The following ZNF423 variants were observed in gnomAD, a reference collection of about 807,000 sequenced individuals.
ZNF423 encodes the protein zinc finger protein 423.
A neutral mutation model predicts 95.8 loss-of-function variants in ZNF423; 12 were observed. That is an observed-to-expected ratio of 0.13 (90% CI 0.08 to 0.20). The LOEUF is 0.20. Ranked by LOEUF, ZNF423 falls within the 10% of genes least tolerant of loss-of-function variation. The pLI, the probability that ZNF423 is intolerant of heterozygous loss-of-function variation, is 1.00. For synonymous variants in ZNF423, 749 were observed against 711.9 expected, an observed-to-expected ratio of 1.05 and a Z score of -0.83; for missense variants, 1,316 against 1,737.1, an observed-to-expected ratio of 0.76 and a Z score of 4.31.
At chr16:49,698,925 C>A (rs997772679) in intron 3 of ZNF423, among the ~76,000 whole-genome samples, 26 of 152,246 alleles carry the variant, frequency 1.7e-4, no homozygotes, top group Admixed American at 1.6e-3. Context: ...ACCAGAGACC[C>A]GCGGAGCTCC....
At chr16:49,797,272 T>C (rs563429943) in intron 1 of ZNF423, among the ~76,000 whole-genome samples, 165 of 152,162 alleles carry the variant, frequency 1.1e-3, no homozygotes, top group Non-Finnish European at 1.6e-3. Context: ...TAGAGCGGTA[T>C]AGGCCAAGCA....
In ZNF423 at chr16:49,760,062, T is replaced by G. The variant is rs931781717; in HGVS notation, c.101-29091A>C. 2.8e-5 allele frequency among the ~76,000 whole-genome samples: 4 copies of G among 144,084 alleles called. No individual in the cohort carries two copies. The Admixed American group carries it at 3.0e-4, about 11-fold the overall frequency. The allele number at this position is 144,084 out of a possible 152,430, so 94.5% of individuals were successfully genotyped here. ...GTGGGTAGATGGATGGATTAATGACTGAATGGACAGATGAGTGGATGAATG... is the reference window on the plus strand; with the variant it reads ...GTGGGTAGATGGATGGATTAATGACGGAATGGACAGATGAGTGGATGAATG... On this transcript the variant is annotated intron_variant, in intron 2 of 7. Coordinates refer to ENST00000563137, the MANE Select transcript of ZNF423 (RefSeq NM_001379286.1).
Position 49,755,143 on chromosome 16 carries a change from G to T in ZNF423, c.101-24172C>A, listed in dbSNP as rs13337695. Among the ~76,000 whole-genome samples the T allele has an allele frequency of 6.0e-3, 913 of 152,308 alleles. 13 individuals carry two copies. The highest frequency in any genetic ancestry group is 0.021 in the African/African-American group (881 of 41,578). On this transcript the variant is annotated intron_variant, in intron 2 of 7. Transcript: ENST00000563137. ...AAGCCCTGTCCCCCCACAAGTGCAA[G>T]TCTCATTTTCAGCTCTCTGGAGCCA... is the stretch of plus-strand genomic sequence containing the variant.
chr16:49,739,677 GT>G (rs977653979), intron 2 of ZNF423, among the ~76,000 whole-genome samples: 2 of 136,624 alleles, frequency 1.5e-5, no homozygotes, highest in Non-Finnish European at 3.1e-5. Flanking sequence ...CAACACGTTT[GT>G]TTTTTTGTTT....
intron 1 of ZNF423, among the ~76,000 whole-genome samples, chr16:49,815,207 T>G (rs2034818052): frequency 6.6e-6 from 1 of 152,052 alleles, no homozygotes; most frequent in African/African-American, 2.4e-5. Context: ...CTCAGTAAAT[T>G]TGGCCATTCT....
At chr16:49,852,773 T>A (rs1196972506) in intron 1 of ZNF423, among the ~76,000 whole-genome samples, 2 of 151,154 alleles carry the variant, frequency 1.3e-5, no homozygotes, top group Non-Finnish European at 2.9e-5. Flanking sequence ...CCTCCCCTAG[T>A]GCCCCAACCC....
At chr16:49,643,316 G>A (rs532146351) in intron 3 of ZNF423, among the ~76,000 whole-genome samples, 1 of 152,126 alleles carries the variant, frequency 6.6e-6, no homozygotes, top group South Asian at 2.1e-4. Context: ...TACTTGCATC[G>A]ATTTTGCTGT....
At chr16:49,793,457 C>T (rs529762381) in intron 1 of ZNF423, among the ~76,000 whole-genome samples, 105 of 152,322 alleles carry the variant, frequency 6.9e-4, no homozygotes, top group African/African-American at 2.4e-3. Flanking sequence ...TTGGCCGGCC[C>T]GCGGCGCCTC....
At chr16:49,829,129 G>A (rs1490783569) in intron 1 of ZNF423, among the ~76,000 whole-genome samples, 2 of 152,176 alleles carry the variant, frequency 1.3e-5, no homozygotes, top group East Asian at 1.9e-4. Flanking sequence ...TGGTCAAGCC[G>A]GCTATTCCAG....
intron 5 of ZNF423, among the ~76,000 whole-genome samples, chr16:49,619,967 C>T (rs1488209305): frequency 6.6e-6 from 1 of 152,190 alleles, no homozygotes; most frequent in Non-Finnish European, 1.5e-5. Context: ...CAAAATGCTG[C>T]AGGCTGGGCC....
At chr16:49,845,412 T>G (rs1050757506) in intron 1 of ZNF423, among the ~76,000 whole-genome samples, 17 of 152,152 alleles carry the variant, frequency 1.1e-4, no homozygotes, top group Middle Eastern at 6.8e-3. Flanking sequence ...GCAATTTTTT[T>G]TTTTTAATGG....
intron 1 of ZNF423, among the ~76,000 whole-genome samples, chr16:49,791,719 G>A (rs1368585906): frequency 6.6e-6 from 1 of 152,120 alleles, no homozygotes; most frequent in African/African-American, 2.4e-5. Flanking sequence ...GACATGTCCA[G>A]GGCCGAACAC....
intron 3 of ZNF423, among the ~76,000 whole-genome samples, chr16:49,693,566 G>A (rs1408505198): frequency 6.6e-6 from 1 of 152,170 alleles, no homozygotes; most frequent in Non-Finnish European, 1.5e-5. Context: ...TACCCGCTAT[G>A]TGATTCAGGT....
chr16:49,837,945 C>G (rs1185955354), intron 1 of ZNF423, among the ~76,000 whole-genome samples: 1 of 152,240 alleles, frequency 6.6e-6, no homozygotes, highest in Non-Finnish European at 1.5e-5. Context: ...CAATTACAAT[C>G]CGGGGAGCTG....
chr16:49,809,156 T>G (rs1172798166), intron 1 of ZNF423, among the ~76,000 whole-genome samples: 1 of 152,258 alleles, frequency 6.6e-6, no homozygotes, highest in Non-Finnish European at 1.5e-5. Context: ...TATTTAACTT[T>G]CTGCTTCGAA....
chr16:49,555,706 A>G (rs957691467), intron 5 of ZNF423, among the ~76,000 whole-genome samples: 8 of 152,196 alleles, frequency 5.3e-5, no homozygotes, highest in African/African-American at 1.9e-4. Flanking sequence ...GGTAGATGGT[A>G]GATGGAAGAA....
intron 5 of ZNF423, among the ~76,000 whole-genome samples, chr16:49,569,322 A>G (rs1970291058): frequency 6.6e-6 from 1 of 152,236 alleles, no homozygotes; most frequent in Admixed American, 6.5e-5. Context: ...GGGTCAACAT[A>G]CGAATCCTCC....
chr16:49,597,799 G>A (rs1447359135), intron 5 of ZNF423, among the ~76,000 whole-genome samples: 2 of 152,174 alleles, frequency 1.3e-5, no homozygotes, highest in Non-Finnish European at 2.9e-5. Context: ...AATACTCAGA[G>A]ATTATATTAC....
At chr16:49,567,704 G>A (rs1970236203) in intron 5 of ZNF423, among the ~76,000 whole-genome samples, 1 of 152,218 alleles carries the variant, frequency 6.6e-6, no homozygotes, top group African/African-American at 2.4e-5. Flanking sequence ...TTAGGTGCAT[G>A]AGATGTCAAG....
Sources: gnomAD v4.1 joint callset for allele counts (sites outside exome capture counted in the v4.1 genomes callset) on GRCh38, gnomAD v4.1.1 for gene constraint, MANE v1.5 for transcripts, NCBI Gene and HGNC (gene_info 2026-07-23, HGNC 2026-07-21) for gene names.